The following ABCC1 variants were observed in gnomAD, a reference collection of about 807,000 sequenced individuals.
The protein encoded by ABCC1 is ATP binding cassette subfamily C member 1 (ABCC1 blood group), also known as multidrug resistance-associated protein 1.
A neutral mutation model predicts 172.9 loss-of-function variants in ABCC1; 83 were observed. The ratio of observed to expected loss-of-function variants is 0.48; its 90% CI spans 0.40 to 0.58. The LOEUF is 0.58. Ranked by LOEUF, ABCC1 falls within the 20% of genes least tolerant of loss-of-function variation. The pLI, the probability that ABCC1 is intolerant of heterozygous loss-of-function variation, is 0.00. For missense variants in ABCC1, 1,817 were observed against 2,002.7 expected (o/e 0.91, Z 1.77); for synonymous variants, 937 against 825.2 (o/e 1.14, Z -2.32).
In ABCC1 at chr16:15,960,659, G is replaced by A. The variant is rs189946308; in HGVS notation, c.48+10860G>A. On this transcript the variant is annotated intron_variant, in intron 1 of 30. Coordinates refer to ENST00000399410, the MANE Select transcript of ABCC1 (RefSeq NM_004996.4). ...GAGGGATGTCCACAGAAGGCCTTTC[G>A]GAGGCGGTGAGGTTTGACCCCAGAG... is the stretch of plus-strand genomic sequence containing the variant. 4.1e-4 allele frequency among the ~76,000 whole-genome samples: 62 copies of A among 152,244 alleles called. No homozygotes were observed. The East Asian group carries it at 4.6e-3, about 11-fold the overall frequency.
intron 24 of ABCC1, among the ~76,000 whole-genome samples, chr16:16,123,045 G>A (rs1167013852): frequency 6.6e-6 from 1 of 152,120 alleles, no homozygotes; most frequent in African/African-American, 2.4e-5. Context: ...CTGAAAAAGT[G>A]ACAGCACCCC....
chr16:16,098,739 A>T, intron 19 of ABCC1: 1 of 743,066 alleles, frequency 1.3e-6, no homozygotes. Context: ...GCACAAATGG[A>T]GCAGACCCTT....
chr16:15,964,109 A>G (rs1447161587), intron 1 of ABCC1, among the ~76,000 whole-genome samples: 1 of 151,914 alleles, frequency 6.6e-6, no homozygotes, highest in Non-Finnish European at 1.5e-5. Context: ...ATGCCTGGCT[A>G]ATGTTTGTAT....
At chr16:16,104,271 T>C (rs2051953498) in intron 20 of ABCC1, among the ~76,000 whole-genome samples, 2 of 152,214 alleles carry the variant, frequency 1.3e-5, no homozygotes, top group Admixed American at 6.5e-5. Context: ...TTCTCTTATC[T>C]GGCCCTACCC....
rs528221033 is a variant in ABCC1, at chr16:16,141,227, C to T, written c.4542C>T (p.Leu1514=). 2 of 1,614,094 alleles carry T rather than the reference C, an allele frequency of 1.2e-6. No individual in the cohort carries two copies. The highest frequency in any genetic ancestry group is 1.3e-5 in the African/African-American group (1 of 75,042). ...EIQEYGAPSD[L]LQQRGLFYSM... ...AGGAGTACGGCGCCCCATCGGACCT[C>T]CTGCAGCAGAGAGGTCTTTTCTACA... The change falls in exon 31 of 31, where the codon CTC becomes CTT. Residue 1514 remains leucine (L), a synonymous_variant. Coordinates refer to ENST00000399410, the MANE Select transcript of ABCC1 (RefSeq NM_004996.4).
chr16:16,092,383 C>T (rs2051290226), intron 19 of ABCC1, among the ~76,000 whole-genome samples: 1 of 152,228 alleles, frequency 6.6e-6, no homozygotes, highest in African/African-American at 2.4e-5. Flanking sequence ...CCATGACTCC[C>T]TATTTTCCCC....
In ABCC1 at chr16:15,960,999, G is replaced by C. The variant is rs576859070; in HGVS notation, c.48+11200G>C. Among the ~76,000 whole-genome samples the C allele has an allele frequency of 2.5e-4, 28 of 110,346 alleles. No homozygotes were observed. In the South Asian group the frequency reaches 9.6e-3, roughly 38 times the overall value. The allele number at this position is 110,346 out of a possible 152,430, so 72.4% of individuals were successfully genotyped here. A position where few individuals can be genotyped will look rare whatever the true frequency, so the allele number is the denominator to read the frequency against. The stretch of plus-strand genomic sequence containing the variant: ...TCTGTTTATGTTTGAATGAAACGCA[G>C]GTTTTTTTTTTTTTTTTTTTTTTTT... On this transcript the variant is annotated intron_variant, in intron 1 of 30. Coordinates refer to ENST00000399410, the MANE Select transcript of ABCC1 (RefSeq NM_004996.4).
chr16:16,030,558 A>G (rs2048527186), intron 5 of ABCC1, among the ~76,000 whole-genome samples: 1 of 151,978 alleles, frequency 6.6e-6, no homozygotes. Flanking sequence ...CTTGCTTGGT[A>G]TGTTTCAGCC....
At chr16:15,975,319 G>C (rs577095605) in intron 1 of ABCC1, among the ~76,000 whole-genome samples, 1 of 152,250 alleles carries the variant, frequency 6.6e-6, no homozygotes, top group Admixed American at 6.5e-5. Context: ...AGTTTGCTTG[G>C]CTCTTAGGTG....
intron 7 of ABCC1, among the ~76,000 whole-genome samples, chr16:16,041,697 G>A (rs537604612): frequency 2.0e-5 from 3 of 152,280 alleles, no homozygotes; most frequent in African/African-American, 7.2e-5. Context: ...GGGCTGCTGG[G>A]TATCCTAGGC....
intron 14 of ABCC1, 70 bp downstream of exon 14, chr16:16,071,799 T>C: frequency 7.2e-7 from 1 of 1,387,180 alleles, no homozygotes; most frequent in Non-Finnish European, 1.0e-6. Context: ...CCTCCCTACT[T>C]GCATTTCTTT....
chr16:16,056,081 T>C lies in ABCC1; in HGVS notation c.1474-11T>C, dbSNP rs760307003. 19 of 1,613,424 alleles carry C rather than the reference T, an allele frequency of 1.2e-5. No individual in the cohort carries two copies. In the Admixed American group the frequency reaches 2.7e-4, roughly 23 times the overall value. On this transcript the variant is annotated splice_polypyrimidine_tract_variant and intron_variant, in intron 11 of 30. Coordinates refer to ENST00000399410, the MANE Select transcript of ABCC1 (RefSeq NM_004996.4). ...TCGCCCCAGATGTGTTGACTGCCCG[T>C]CTCTTCCAAGGTGGCCCACATGAAG...
At chr16:15,983,510 A>C (rs1286850837) in intron 1 of ABCC1, among the ~76,000 whole-genome samples, 1 of 150,718 alleles carries the variant, frequency 6.6e-6, no homozygotes, top group Non-Finnish European at 1.5e-5. Context: ...TTAGGTGTGG[A>C]ATGAACTGAG....
intron 1 of ABCC1, among the ~76,000 whole-genome samples, chr16:15,985,605 C>T (rs1567287234): frequency 6.6e-6 from 1 of 151,806 alleles, no homozygotes; most frequent in Non-Finnish European, 1.5e-5. Context: ...CCACCATGCC[C>T]AGCTAATTTT....
intron 1 of ABCC1, among the ~76,000 whole-genome samples, chr16:15,965,850 G>A (rs751377063): frequency 9.9e-5 from 15 of 152,114 alleles, no homozygotes; most frequent in Non-Finnish European, 1.6e-4. Flanking sequence ...GCCTCCCAAC[G>A]TGCTGGGATT....
intron 15 of ABCC1, 91 bp from the exon 16 acceptor site, chr16:16,079,261 A>C: frequency 6.4e-7 from 1 of 1,550,696 alleles, no homozygotes; most frequent in Non-Finnish European, 8.8e-7. Context: ...CTCTTTCTCT[A>C]CTTGGGGTAA....
At chr16:15,975,934 TG>T (rs1567282205) in intron 1 of ABCC1, among the ~76,000 whole-genome samples, 1 of 151,966 alleles carries the variant, frequency 6.6e-6, no homozygotes, top group Non-Finnish European at 1.5e-5. Flanking sequence ...GGTCTTGCTT[TG>T]GGGGGAAATG....
chr16:16,111,464 G>A lies in ABCC1; in HGVS notation c.2961G>A (p.Val987=), dbSNP rs1433079321. 3 of 1,614,150 alleles carry A rather than the reference G, an allele frequency of 1.9e-6. No individual in the cohort carries two copies. Among genetic ancestry groups the A allele is most frequent in the Non-Finnish European group, 2.5e-6 (3 of 1,180,030 alleles). Residue 987 remains valine (V), a synonymous_variant, in exon 22 of 31, where the codon GTG becomes GTA. Coordinates refer to ENST00000399410, the MANE Select transcript of ABCC1 (RefSeq NM_004996.4). ...LSIFLFMCNH[V]SALASNYWLS... The stretch of plus-strand genomic sequence containing the variant: ...TCTTCCTTTTCATGTGTAACCATGT[G>A]TCCGCGCTGGCTTCCAACTATTGGC...
chr16:15,975,987 C>CTCTGT (rs1359088037), intron 1 of ABCC1, among the ~76,000 whole-genome samples: 1 of 152,038 alleles, frequency 6.6e-6, no homozygotes. Flanking sequence ...CAACAGAGGC[C>CTCTGT]AGACGCGGTG....
Sources: allele counts gnomAD v4.1 joint callset (sites outside exome capture counted in the v4.1 genomes callset), GRCh38; gene constraint gnomAD v4.1.1; transcripts MANE v1.5; gene names NCBI Gene and HGNC (gene_info 2026-07-23, HGNC 2026-07-21).